Variants in TPRX1 observed in about 807,000 individuals in gnomAD.
TPRX1 encodes tetra-peptide repeat homeobox protein 1.
In TPRX1, 2 loss-of-function variants were observed where a neutral mutation model predicts 8.1. The ratio of observed to expected loss-of-function variants is 0.25; its 90% CI spans 0.10 to 0.78. The LOEUF is 0.78. Among genes scored for constraint, TPRX1 ranks in the 30% least tolerant of loss-of-function variants. The pLI is 0.70. For synonymous variants in TPRX1, 257 were observed against 254.1 expected, an observed-to-expected ratio of 1.01 and a Z score of -0.11; for missense variants, 517 against 586.9, an observed-to-expected ratio of 0.88 and a Z score of 1.23.
chr19:47,812,275 A>G (rs1003373930), intron 2 of TPRX1, among the ~76,000 whole-genome samples: 2 of 152,014 alleles, frequency 1.3e-5, no homozygotes, highest in African/African-American at 4.8e-5. Context: ...TCGTTGTTCA[A>G]GTGGGGGAAG....
rs374758807 is a variant in TPRX1 at position 47,802,586 on chromosome 19, G to C, written c.716C>G (p.Pro239Arg). ...ACGGAATGGGCCTGGGATCTGGACT[G>C]GGCCTGAAATTGGGCCTGGGATTGG... Residue 239 changes from proline to arginine, a missense_variant, in exon 4 of 4, where the codon CCA (proline) becomes CGA (arginine). Physicochemically the swap from Pro to Arg is moderately radical, Grantham distance 103. Transcript: ENST00000535759. 1.9e-5 allele frequency: 29 copies of C among 1,550,734 alleles called. No individual in the cohort carries two copies. In the African/African-American group the frequency reaches 3.6e-4, roughly 19 times the overall value.
At chr19:47,803,474 G>C in intron 3 of TPRX1, 30 bp downstream of exon 2, 1 of 1,441,090 alleles carries the variant, frequency 6.9e-7, no homozygotes, top group Non-Finnish European at 9.5e-7. Context: ...GGGGTGACTG[G>C]GGCGGGCAGG....
intron 2 of TPRX1, among the ~76,000 whole-genome samples, chr19:47,814,384 C>T (rs1599956477): frequency 1.2e-5 from 1 of 83,006 alleles, no homozygotes; most frequent in Admixed American, 1.2e-4. Context: ...GTTTATTATG[C>T]GCTGTGGCTC....
intron 2 of TPRX1, among the ~76,000 whole-genome samples, chr19:47,815,114 T>TATATATATATATATATA (rs1967819232): frequency 1.6e-5 from 1 of 63,390 alleles, no homozygotes; most frequent in Non-Finnish European, 2.7e-5. Flanking sequence ...AATAGATAAA[T>TATATATATATATATATA]TATATATATA....
At position 47,805,804 on chromosome 19, in the gene TPRX1, A is replaced by G. The variant is rs1412928163; in HGVS notation, c.152-2131T>C. Among the ~76,000 whole-genome samples the G allele has an allele frequency of 4.1e-4, 62 of 152,226 alleles. 1 individual carries two copies. The highest frequency in any genetic ancestry group is 1.5e-5 in the Non-Finnish European group (1 of 68,032). On this transcript the variant is annotated intron_variant, in intron 2 of 3. Transcript: ENST00000535759. Reference sequence around the variant, plus strand: ...GGTCAATAAAGACATAAACAGATGAACAAGCTCACTGGTACTATTTTGTGA... The same window carrying G: ...GGTCAATAAAGACATAAACAGATGAGCAAGCTCACTGGTACTATTTTGTGA...
chr19:47,801,779 A>G, exon 4 of TPRX1: 1 of 1,610,898 alleles, frequency 6.2e-7, no homozygotes, highest in African/African-American at 1.3e-5. Context: ...GGCCCCCTAT[A>G]AATCCAGTAA....
At chr19:47,817,687 G>T (rs1233157031) in intron 2 of TPRX1, among the ~76,000 whole-genome samples, 1 of 151,394 alleles carries the variant, frequency 6.6e-6, no homozygotes. Flanking sequence ...CTGCTCCCAT[G>T]GGATTCCCAG....
In TPRX1 at chr19:47,803,410, G is replaced by A. The variant is rs897067370; in HGVS notation, c.321+94C>T. The stretch of plus-strand genomic sequence containing the variant: ...CGGGACCCCTTGCGTGGCAGGGCGG[G>A]AGGTGGTCGGGCGGGCCAGGCCCCG... On this transcript the variant is annotated intron_variant, in intron 3 of 3. Transcript: ENST00000535759. 6.9e-5 allele frequency: 46 copies of A among 663,802 alleles called. No homozygotes were observed. The Admixed American group carries it at 1.0e-3, about 15-fold the overall frequency. The allele number at this position is 663,802 out of a possible 1,614,324, so 41.1% of individuals were successfully genotyped here.
At chr19:47,804,238 A>G (rs1234575494) in intron 2 of TPRX1, among the ~76,000 whole-genome samples, 7 of 151,040 alleles carry the variant, frequency 4.6e-5, no homozygotes, top group Non-Finnish European at 3.0e-5. Context: ...TATTTTTGCT[A>G]AAGACGGGTC....
At chr19:47,816,394 T>A (rs915275208) in intron 2 of TPRX1, among the ~76,000 whole-genome samples, 25 of 151,658 alleles carry the variant, frequency 1.6e-4, no homozygotes, top group African/African-American at 5.3e-4. Context: ...AAAATTATAT[T>A]TTTTTGGCCT....
intron 2 of TPRX1, among the ~76,000 whole-genome samples, chr19:47,807,186 G>A (rs1284423723): frequency 6.6e-6 from 1 of 152,060 alleles, no homozygotes; most frequent in Admixed American, 6.6e-5. Flanking sequence ...GATTACAGGT[G>A]TGAAACACCG....
chr19:47,807,560 A>T (rs1365908503), intron 2 of TPRX1, among the ~76,000 whole-genome samples: 1 of 151,788 alleles, frequency 6.6e-6, no homozygotes, highest in Non-Finnish European at 1.5e-5. Context: ...TTTAGTAGAG[A>T]TGGGGTTTCA....
In TPRX1 at chr19:47,816,762, G is replaced by C. The variant is rs573452455; in HGVS notation, c.151+1706C>G. Among the ~76,000 whole-genome samples the C allele has an allele frequency of 1.3e-4, 19 of 151,878 alleles. No individual in the cohort carries two copies. The East Asian group carries it at 3.5e-3, about 28-fold the overall frequency. On this transcript the variant is annotated intron_variant, in intron 2 of 3. Transcript: ENST00000535759. ...TTAGCCAGGATGGTCTCGATCTCCT[G>C]ACCTCGTGATCTGCCCGCCTTGGCC...
At position 47,802,983 on chromosome 19, in the gene TPRX1, G is replaced by A. The variant is rs770630709; in HGVS notation, c.322-3C>T. ...GCGCGGCGATTCTTGAACCACACCT[G>A]GGGGGCAGAGGGGACAGGGAGAAGG... On this transcript the variant is annotated splice_polypyrimidine_tract_variant and splice_region_variant and intron_variant, in intron 3 of 3. Coordinates refer to ENST00000535759, the Ensembl canonical transcript of TPRX1. 7.1e-6 allele frequency: 11 copies of A among 1,540,826 alleles called. No homozygotes were observed. In the Admixed American group the frequency reaches 9.9e-5, roughly 14 times the overall value.
At chr19:47,818,340 T>TCCATCCATCCATCATC (rs1555800344) in intron 2 of TPRX1, 1 of 226,374 alleles carries the variant, frequency 4.4e-6, no homozygotes, top group African/African-American at 5.4e-5. Flanking sequence ...CATCCATCCA[T>TCCATCCATCCATCATC]CATCCATCCA....
chr19:47,803,113 A>C, intron 3 of TPRX1, 133 bp from the exon 3 acceptor site: 1 of 804,772 alleles, frequency 1.2e-6, no homozygotes, highest in Non-Finnish European at 1.6e-6. Context: ...CCACCAAAAG[A>C]GGGCCCCGGC....
chr19:47,801,640 A>G, exon 4 of TPRX1: 2 of 1,044,284 alleles, frequency 1.9e-6, no homozygotes, highest in Non-Finnish European at 2.7e-6. Context: ...TGATAGCTGC[A>G]CAGTGAAGAC....
intron 2 of TPRX1, among the ~76,000 whole-genome samples, chr19:47,809,736 C>G (rs955523400): frequency 6.6e-6 from 1 of 151,966 alleles, no homozygotes; most frequent in Non-Finnish European, 1.5e-5. Flanking sequence ...CCTTGAATGC[C>G]ACCCTAGGAC....
chr19:47,802,865 G>A lies in TPRX1; in HGVS notation c.437C>T (p.Ala146Val), dbSNP rs372428024. Residue 146 changes from alanine to valine, a missense_variant, in exon 4 of 4, where the codon GCA becomes GTA. This residue lies in a region of TPRX1 where 506 missense variants were observed against 515.5 expected (regional missense o/e 0.98). Coordinates refer to ENST00000535759, the Ensembl canonical transcript of TPRX1. Reference sequence around the variant, plus strand: ...CCGCTGAGGTGCGGAGGCAGAGGCTGCAGGGACTAGGGGCGCAGCGCGGGC... The same window carrying A: ...CCGCTGAGGTGCGGAGGCAGAGGCTACAGGGACTAGGGGCGCAGCGCGGGC... 1.4e-5 allele frequency: 23 copies of A among 1,599,470 alleles called. No homozygotes were observed. The highest frequency in any genetic ancestry group is 1.7e-4 in the Middle Eastern group (1 of 5,868).
Sources: allele counts gnomAD v4.1 joint callset (sites outside exome capture counted in the v4.1 genomes callset), GRCh38; gene constraint gnomAD v4.1.1; regional missense constraint gnomAD v4.1.1; transcripts MANE v1.5; gene names NCBI Gene and HGNC (gene_info 2026-07-23, HGNC 2026-07-21).